The following BBS9 variants were observed in gnomAD, a reference collection of about 807,000 sequenced individuals.
The protein encoded by BBS9 is protein PTHB1.
Under a neutral mutation model 117.7 loss-of-function variants are expected in BBS9, and 89 were observed. The ratio of observed to expected loss-of-function variants is 0.76; its 90% CI spans 0.64 to 0.90. BBS9 has a LOEUF of 0.90. Among genes scored for constraint, BBS9 ranks in the 40% least tolerant of loss-of-function variants. The pLI, the probability that BBS9 is intolerant of heterozygous loss-of-function variation, is 0.00. For missense variants in BBS9, 982 were observed against 1,042.2 expected, an observed-to-expected ratio of 0.94 and a Z score of 0.80; for synonymous variants, 379 against 370.9, an observed-to-expected ratio of 1.02 and a Z score of -0.25.
chr7:33,208,384 GGCT>G (rs1269920321), intron 5 of BBS9, among the ~76,000 whole-genome samples: 2 of 152,106 alleles, frequency 1.3e-5, no homozygotes, highest in East Asian at 3.9e-4. Context: ...TGTTCCCAGA[GGCT>G]GCTACTTCCA....
chr7:33,591,759 C>T (rs1329528051), intron 21 of BBS9, among the ~76,000 whole-genome samples: 1 of 151,990 alleles, frequency 6.6e-6, no homozygotes, highest in East Asian at 1.9e-4. Flanking sequence ...CTTAATGTTT[C>T]ATCCATTTGT....
At chr7:33,511,418 G>A (rs555744555) in intron 20 of BBS9, among the ~76,000 whole-genome samples, 1 of 152,226 alleles carries the variant, frequency 6.6e-6, no homozygotes, top group South Asian at 2.1e-4. Flanking sequence ...GAGCAATAGT[G>A]CACTGGTTTG....
At chr7:33,428,344 TG>T (rs1833932425) in intron 19 of BBS9, among the ~76,000 whole-genome samples, 1 of 152,186 alleles carries the variant, frequency 6.6e-6, no homozygotes, top group Non-Finnish European at 1.5e-5. Context: ...TATTTTATTG[TG>T]CTTTTAAAAG....
chr7:33,614,425 T>A lies in BBS9; in HGVS notation c.2522-20752T>A, dbSNP rs1014801236. Among the ~76,000 whole-genome samples the A allele has an allele frequency of 2.0e-5, 3 of 152,028 alleles. 1 individual carries two copies. The highest frequency in any genetic ancestry group is 2.1e-4 in the South Asian group (1 of 4,830). On this transcript the variant is annotated intron_variant, in intron 21 of 21. Coordinates refer to the BBS9 transcript ENST00000671952. ...TTTTTAAAATTCCGTCTGTACTTAT[T>A]TGGTCCCAGATATAAGGAGCTTGGA...
chr7:33,376,283 AT>A (rs563022493), intron 17 of BBS9, among the ~76,000 whole-genome samples: 10 of 151,140 alleles, frequency 6.6e-5, no homozygotes, highest in East Asian at 2.0e-4. Flanking sequence ...AATATGCAGT[AT>A]TTTTTTTTGT....
intron 21 of BBS9, among the ~76,000 whole-genome samples, chr7:33,540,584 A>G (rs1301731577): frequency 2.0e-5 from 3 of 152,228 alleles, no homozygotes; most frequent in Non-Finnish European, 4.4e-5. Flanking sequence ...TAACTTTTGT[A>G]AAAAGGCCCC....
chr7:33,306,729 G>T (rs1272629469), intron 9 of BBS9, among the ~76,000 whole-genome samples: 1 of 152,064 alleles, frequency 6.6e-6, no homozygotes, highest in Non-Finnish European at 1.5e-5. Flanking sequence ...TCCAATAAAA[G>T]ATAGCTTTTT....
intron 16 of BBS9, among the ~76,000 whole-genome samples, chr7:33,362,104 A>G (rs1157603563): frequency 6.6e-6 from 1 of 152,058 alleles, no homozygotes; most frequent in Non-Finnish European, 1.5e-5. Context: ...ATTAATTTGC[A>G]TTTTCTAGAA....
At chr7:33,505,415 C>A (rs772382704) in intron 19 of BBS9, 48 bp from the exon 20 acceptor site, 2 of 1,585,766 alleles carry the variant, frequency 1.3e-6, no homozygotes, top group Non-Finnish European at 1.7e-6. Context: ...TTGTTGAGGG[C>A]TCAATAATTG....
At chr7:33,172,721 A>C (rs1330451157) in intron 4 of BBS9, among the ~76,000 whole-genome samples, 1 of 152,228 alleles carries the variant, frequency 6.6e-6, no homozygotes, top group African/African-American at 2.4e-5. Flanking sequence ...TTAACCAGGC[A>C]ACAAATTTGC....
intron 10 of BBS9, 68 bp downstream of exon 10, chr7:33,336,690 T>C: frequency 2.7e-6 from 3 of 1,112,460 alleles, no homozygotes; most frequent in Middle Eastern, 2.9e-4. Context: ...TGTAGATAGA[T>C]ATTATTTTGT....
At chr7:33,212,281 A>G (rs1379233473) in intron 5 of BBS9, among the ~76,000 whole-genome samples, 3 of 152,022 alleles carry the variant, frequency 2.0e-5, no homozygotes, top group South Asian at 2.1e-4. Flanking sequence ...TTGACCATGT[A>G]TTTTCAAATA....
rs76714832 is a variant in BBS9, at chr7:33,257,869, T to C, written c.617+459T>C. On this transcript the variant is annotated intron_variant, in intron 6 of 22. Coordinates refer to ENST00000242067, the MANE Select transcript of BBS9 (RefSeq NM_198428.3). ...TTCTTTTATAAGAAAAAAGAATATGTGTGATATAGGAAAAATACTGGCATG... is the reference window on the plus strand; with the variant it reads ...TTCTTTTATAAGAAAAAAGAATATGCGTGATATAGGAAAAATACTGGCATG... Among the ~76,000 whole-genome samples, 2,754 of 152,278 alleles carry C rather than the reference T, an allele frequency of 0.018. 219 individuals carry two copies. In the East Asian group the frequency reaches 0.27, roughly 15 times the overall value.
chr7:33,370,297 A>C (rs181954843), intron 17 of BBS9, among the ~76,000 whole-genome samples: 1 of 122,644 alleles, frequency 8.2e-6, no homozygotes, highest in Admixed American at 8.1e-5. Context: ...GTCCCTATTT[A>C]AAAAAAAAAA....
intron 5 of BBS9, among the ~76,000 whole-genome samples, chr7:33,215,349 A>G (rs916455063): frequency 6.6e-6 from 1 of 152,254 alleles, no homozygotes; most frequent in Non-Finnish European, 1.5e-5. Flanking sequence ...CTGTATGTTT[A>G]CTGTCAACTC....
At chr7:33,341,093 A>C (rs1816446447) in intron 11 of BBS9, 120 bp downstream of exon 11, 1 of 795,830 alleles carries the variant, frequency 1.3e-6, no homozygotes, top group African/African-American at 1.7e-5. Context: ...GAGGATAACA[A>C]ATTGTAGGCC....
chr7:33,401,888 A>C (rs576596495), intron 19 of BBS9, among the ~76,000 whole-genome samples: 37 of 152,336 alleles, frequency 2.4e-4, no homozygotes, highest in Non-Finnish European at 4.7e-4. Flanking sequence ...ACAAAGAAAC[A>C]TATTTGGGGT....
intron 21 of BBS9, among the ~76,000 whole-genome samples, chr7:33,549,427 G>A (rs1328031570): frequency 6.8e-6 from 1 of 146,330 alleles, no homozygotes; most frequent in African/African-American, 2.6e-5. Context: ...ATTGACAAAT[G>A]GGATCTAATT....
At chr7:33,546,091 G>A (rs1258983966) in intron 21 of BBS9, among the ~76,000 whole-genome samples, 1 of 151,526 alleles carries the variant, frequency 6.6e-6, no homozygotes, top group Non-Finnish European at 1.5e-5. Flanking sequence ...CTGCCACCGC[G>A]CCTGGCTAAT....
Sources: allele counts gnomAD v4.1 joint callset (sites outside exome capture counted in the v4.1 genomes callset), GRCh38; gene constraint gnomAD v4.1.1; transcripts MANE v1.5; gene names NCBI Gene and HGNC (gene_info 2026-07-23, HGNC 2026-07-21).